SENP7: variants seen among roughly 807,000 people sequenced by gnomAD.
SENP7 encodes the protein sentrin-specific protease 7.
SENP7 carries 64 observed loss-of-function variants against 141.2 expected under a neutral mutation model. The observed-to-expected ratio is 0.45, with a 90% CI of 0.37 to 0.56. The LOEUF (loss-of-function observed/expected upper bound fraction) is 0.56, where lower values mean the gene tolerates loss of function less well. Among genes scored for constraint, SENP7 ranks in the 20% least tolerant of loss-of-function variants. SENP7 has a pLI of 0.00. For synonymous variants in SENP7, 382 were observed against 426.4 expected (o/e 0.90, Z 1.28); for missense variants, 1,025 against 1,212.2 (o/e 0.85, Z 2.29).
chr3:101,482,783 C>CA (rs1329951193), intron 3 of SENP7, among the ~76,000 whole-genome samples: 1 of 151,838 alleles, frequency 6.6e-6, no homozygotes, highest in Non-Finnish European at 1.5e-5. Context: ...AGAAACAGAA[C>CA]ATACAGCCCA....
At chr3:101,468,332 C>G (rs1326887088) in intron 3 of SENP7, among the ~76,000 whole-genome samples, 1 of 152,140 alleles carries the variant, frequency 6.6e-6, no homozygotes, top group Non-Finnish European at 1.5e-5. Context: ...GGCAGGCCAA[C>G]ATTCAAATTC....
intron 1 of SENP7, among the ~76,000 whole-genome samples, chr3:101,506,955 G>A (rs762505996): frequency 1.1e-4 from 17 of 151,954 alleles, no homozygotes; most frequent in Non-Finnish European, 8.8e-5. Context: ...TAGCTACTCC[G>A]GAGCCTGAAG....
chr3:101,438,351 T>G (rs896092652), intron 4 of SENP7, among the ~76,000 whole-genome samples: 1 of 152,228 alleles, frequency 6.6e-6, no homozygotes, highest in Non-Finnish European at 1.5e-5. Flanking sequence ...AAATACTGTA[T>G]GAGGTACTTT....
chr3:101,417,863 T>C (rs991557577), intron 4 of SENP7, 73 bp from the exon 5 acceptor site: 1 of 1,206,946 alleles, frequency 8.3e-7, no homozygotes, highest in African/African-American at 1.5e-5. Flanking sequence ...CACAAACTAA[T>C]ATCTCCAGAA....
chr3:101,402,595 CG>C (rs1395773687), intron 5 of SENP7, among the ~76,000 whole-genome samples: 3 of 119,680 alleles, frequency 2.5e-5, no homozygotes, highest in Non-Finnish European at 4.8e-5. Flanking sequence ...ACAGCCTGGG[CG>C]ACAGAGCAAG....
At chr3:101,416,375 G>C (rs186843598) in intron 5 of SENP7, among the ~76,000 whole-genome samples, 1 of 152,298 alleles carries the variant, frequency 6.6e-6, no homozygotes, top group East Asian at 1.9e-4. Context: ...ACAGATGTAG[G>C]ATGAGGCGAT....
At chr3:101,442,049 A>C (rs1324221962) in intron 4 of SENP7, among the ~76,000 whole-genome samples, 1 of 152,178 alleles carries the variant, frequency 6.6e-6, no homozygotes, top group Non-Finnish European at 1.5e-5. Context: ...GTCTCTACCA[A>C]ATGAGGTTAA....
At chr3:101,450,527 T>C (rs1208628167) in intron 4 of SENP7, among the ~76,000 whole-genome samples, 1 of 152,134 alleles carries the variant, frequency 6.6e-6, no homozygotes, top group Non-Finnish European at 1.5e-5. Context: ...CAGACCACAG[T>C]GCAATTAAAC....
At chr3:101,407,789 T>C (rs1348456102) in intron 5 of SENP7, among the ~76,000 whole-genome samples, 7 of 152,292 alleles carry the variant, frequency 4.6e-5, no homozygotes, top group South Asian at 4.1e-4. Flanking sequence ...GCAAAGGCGA[T>C]GCTAAGAGGA....
chr3:101,477,192 G>A (rs2064254155), intron 3 of SENP7, among the ~76,000 whole-genome samples: 1 of 151,860 alleles, frequency 6.6e-6, no homozygotes. Context: ...TGCCCTGAAT[G>A]GTATTACCTA....
chr3:101,372,763 G>T (rs986609680), intron 6 of SENP7, among the ~76,000 whole-genome samples: 3 of 151,932 alleles, frequency 2.0e-5, no homozygotes, highest in Non-Finnish European at 4.4e-5. Flanking sequence ...TATTTGGGTA[G>T]TAGATAACTC....
At chr3:101,482,025 AC>A (rs903412405) in intron 3 of SENP7, among the ~76,000 whole-genome samples, 1 of 152,166 alleles carries the variant, frequency 6.6e-6, no homozygotes, top group African/African-American at 2.4e-5. Context: ...AAAATGAAAT[AC>A]TTGGCCAGGC....
intron 3 of SENP7, among the ~76,000 whole-genome samples, chr3:101,480,278 A>C (rs1406541157): frequency 6.6e-6 from 1 of 152,190 alleles, no homozygotes; most frequent in Non-Finnish European, 1.5e-5. Context: ...ACTATATTAT[A>C]AGGCAATGTA....
rs2058848152 is a variant in SENP7, at chr3:101,324,213, A to C, written c.*1730T>G. 6.6e-6 allele frequency: 1 copy of C among 152,124 alleles called. No individual in the cohort carries two copies. The highest frequency in any genetic ancestry group is 6.6e-5 in the Admixed American group (1 of 15,234). 9.4% of individuals were successfully genotyped at this position (152,124 alleles called of 1,614,324 possible). A position where few individuals can be genotyped will look rare whatever the true frequency, so the allele number is the denominator to read the frequency against. On this transcript the variant is annotated 3_prime_UTR_variant, in exon 24 of 24. Transcript: ENST00000394095. ...TCATGATATACACAGAGCAGCATAC[A>C]ACTGGAAATTTATTTCTAACAGTAG...
chr3:101,378,415 G>T (rs2060398780), intron 6 of SENP7, among the ~76,000 whole-genome samples: 1 of 152,006 alleles, frequency 6.6e-6, no homozygotes, highest in Non-Finnish European at 1.5e-5. Context: ...AATGAACAAT[G>T]CCTTGGATGG....
At chr3:101,453,207 C>G (rs539285486) in intron 4 of SENP7, among the ~76,000 whole-genome samples, 2 of 152,274 alleles carry the variant, frequency 1.3e-5, no homozygotes, top group African/African-American at 4.8e-5. Context: ...ATTAAAAAGT[C>G]AGGAAACAAC....
chr3:101,408,593 T>G (rs1163275583), intron 5 of SENP7, among the ~76,000 whole-genome samples: 1 of 152,148 alleles, frequency 6.6e-6, no homozygotes, highest in Non-Finnish European at 1.5e-5. Context: ...CATGATCACA[T>G]AGGTTTCATA....
intron 4 of SENP7, among the ~76,000 whole-genome samples, chr3:101,445,685 A>AT (rs1429903094): frequency 6.6e-6 from 1 of 152,182 alleles, no homozygotes; most frequent in Non-Finnish European, 1.5e-5. Context: ...AAGTGAAGGG[A>AT]TAAAAAATAT....
chr3:101,425,624 C>A (rs1193619092), intron 4 of SENP7, among the ~76,000 whole-genome samples: 1 of 152,130 alleles, frequency 6.6e-6, no homozygotes, highest in African/African-American at 2.4e-5. Context: ...TCCAAAGAAC[C>A]GAACCATCTC....
Sources: gnomAD v4.1 joint callset for allele counts (sites outside exome capture counted in the v4.1 genomes callset) on GRCh38, gnomAD v4.1.1 for gene constraint, MANE v1.5 for transcripts, NCBI Gene and HGNC (gene_info 2026-07-23, HGNC 2026-07-21) for gene names.